RUVBL1: variants seen among roughly 807,000 people sequenced by gnomAD.
RUVBL1 encodes the protein RuvB like AAA ATPase 1, also known as ruvB-like 1.
Under a neutral mutation model 52.4 loss-of-function variants are expected in RUVBL1, and 4 were observed. That is an observed-to-expected ratio of 0.08 (90% CI 0.04 to 0.17). The LOEUF (loss-of-function observed/expected upper bound fraction) is 0.17, where lower values mean the gene tolerates loss of function less well. Among genes scored for constraint, RUVBL1 ranks in the 10% least tolerant of loss-of-function variants. RUVBL1 has a pLI of 1.00. For synonymous variants in RUVBL1, 217 were observed against 214.4 expected, an observed-to-expected ratio of 1.01 and a Z score of -0.10; for missense variants, 298 against 572.8, an observed-to-expected ratio of 0.52 and a Z score of 4.90.
rs371955737 is a variant in RUVBL1, at chr3:128,123,541, A to T, written c.141+43T>A. 11 of 1,514,566 alleles carry T rather than the reference A, an allele frequency of 7.3e-6. No individual in the cohort carries two copies. In the African/African-American group the frequency reaches 1.4e-4, roughly 19 times the overall value. The allele number at this position is 1,514,566 out of a possible 1,614,324, so 93.8% of individuals were successfully genotyped here. A position where few individuals can be genotyped will look rare whatever the true frequency, so the allele number is the denominator to read the frequency against. On this transcript the variant is annotated intron_variant, in intron 1 of 10. Coordinates refer to ENST00000322623, the MANE Select transcript of RUVBL1 (RefSeq NM_003707.3). ...ACTTCAGCAGCTCTCTCGCCGCAGCAGCCCTGCTTGCAGCCCCCAACTCCC... is the reference window on the plus strand; with the variant it reads ...ACTTCAGCAGCTCTCTCGCCGCAGCTGCCCTGCTTGCAGCCCCCAACTCCC...
At chr3:128,141,112 A>G (rs1176493103) in intron 1 of RUVBL1, among the ~76,000 whole-genome samples, 1 of 152,246 alleles carries the variant, frequency 6.6e-6, no homozygotes, top group Non-Finnish European at 1.5e-5. Context: ...CATTAAGTAA[A>G]AAAAGCAGGT....
intron 1 of RUVBL1, among the ~76,000 whole-genome samples, chr3:128,146,845 G>C (rs1035132760): frequency 6.7e-6 from 1 of 149,542 alleles, no homozygotes; most frequent in African/African-American, 2.5e-5. Context: ...ACTTGTGTGC[G>C]TTTGTGTCTC....
chr3:128,078,439 C>G (rs1942389212), downstream of RUVBL1, among the ~76,000 whole-genome samples: 1 of 152,172 alleles, frequency 6.6e-6, no homozygotes, highest in Admixed American at 6.5e-5. Context: ...CCTTCCCAGT[C>G]TCACAAGTAT....
intron 5 of RUVBL1, 30 bp downstream of exon 5, chr3:128,101,529 G>A: frequency 1.3e-6 from 2 of 1,598,444 alleles, no homozygotes; most frequent in Non-Finnish European, 1.7e-6. Context: ...ACAAATCAGG[G>A]ACAATGCTGT....
chr3:128,085,296 AT>A (rs1942611398), intron 9 of RUVBL1, among the ~76,000 whole-genome samples: 1 of 152,132 alleles, frequency 6.6e-6, no homozygotes, highest in South Asian at 2.1e-4. Context: ...GATGCACCAA[AT>A]TGCTCAAGTC....
chr3:128,122,918 T>C (rs1943684836), intron 1 of RUVBL1, among the ~76,000 whole-genome samples: 1 of 152,220 alleles, frequency 6.6e-6, no homozygotes. Flanking sequence ...TATGTGAAAG[T>C]ACTTGGCATC....
chr3:128,066,155 C>T (rs182185853), intron 9 of RUVBL1, among the ~76,000 whole-genome samples: 1 of 152,194 alleles, frequency 6.6e-6, no homozygotes, highest in Non-Finnish European at 1.5e-5. Context: ...AAGTTGTATT[C>T]CTAGAAAAGT....
rs143414303 is a variant in RUVBL1 at position 128,067,447 on chromosome 3, T to C, written c.940-2227A>G. 3 of 1,614,062 alleles carry C rather than the reference T, an allele frequency of 1.9e-6. No homozygotes were observed. The East Asian group carries it at 6.7e-5, about 36-fold the overall frequency. ...ACACGTCTTCTGGGGGCCCAGCACG[T>C]GCTTATCCAGTTGGTGGCCTTTGCT... On this transcript the variant is annotated intron_variant, in intron 9 of 9. Transcript: ENST00000464873. The surrounding 1 kb of genome is among the most constrained non-coding windows in gnomAD (Gnocchi z 4.1).
chr3:128,150,975 T>A (rs1476522528), intron 1 of RUVBL1, among the ~76,000 whole-genome samples: 1 of 93,212 alleles, frequency 1.1e-5, no homozygotes, highest in Non-Finnish European at 1.9e-5. Flanking sequence ...ATATTATATA[T>A]TATATATTCT....
At chr3:128,093,534 A>G (rs1942900577) in intron 8 of RUVBL1, among the ~76,000 whole-genome samples, 2 of 152,020 alleles carry the variant, frequency 1.3e-5, no homozygotes, top group Non-Finnish European at 2.9e-5. Context: ...ACAGGGTTAC[A>G]CTGAGCAGAG....
At chr3:128,126,201 T>TTGTGTGTGTGTGTGTG (rs10576695), upstream of RUVBL1, among the ~76,000 whole-genome samples, 9 of 147,518 alleles carry the variant, frequency 6.1e-5, no homozygotes, top group African/African-American at 2.3e-4. Flanking sequence ...AGTTGTTCCT[T>TTGTGTGTGTGTGTGTG]TGTGTGTGTG....
chr3:128,108,627 A>C (rs975429686), intron 3 of RUVBL1, among the ~76,000 whole-genome samples: 2 of 152,112 alleles, frequency 1.3e-5, no homozygotes, highest in Admixed American at 6.5e-5. Context: ...TCAGCCCAGG[A>C]AACAGATTGC....
Position 128,097,287 on chromosome 3 carries a change from G to A in RUVBL1, c.1016+13C>T, listed in dbSNP as rs773162285. ...GTTAAAAAAGCCTTGTGGCTGGCAGGCAGCCATCCTACCTGATGACACAGT... is the reference window on the plus strand; with the variant it reads ...GTTAAAAAAGCCTTGTGGCTGGCAGACAGCCATCCTACCTGATGACACAGT... On this transcript the variant is annotated intron_variant, in intron 8 of 10. Transcript: ENST00000322623. 1 of 1,611,344 alleles carries A rather than the reference G, an allele frequency of 6.2e-7. No homozygotes were observed. The highest frequency in any genetic ancestry group is 1.1e-5 in the South Asian group (1 of 90,870).
At chr3:128,099,368 G>A (rs925107175) in intron 6 of RUVBL1, among the ~76,000 whole-genome samples, 5 of 152,198 alleles carry the variant, frequency 3.3e-5, no homozygotes, top group Admixed American at 6.5e-5. Flanking sequence ...CCTCTAGGGC[G>A]CATCTGACCC....
intron 1 of RUVBL1, among the ~76,000 whole-genome samples, chr3:128,144,748 A>G (rs977727911): frequency 1.3e-5 from 2 of 152,240 alleles, no homozygotes; most frequent in African/African-American, 4.8e-5. Flanking sequence ...GAGGGATGGT[A>G]GGACAGAGAC....
upstream of RUVBL1, chr3:128,123,869 C>G: frequency 1.5e-6 from 2 of 1,338,566 alleles, no homozygotes; most frequent in Non-Finnish European, 1.9e-6. Flanking sequence ...AGCGGGAACA[C>G]CTCCGCTCTC....
exon 10 of RUVBL1, chr3:128,065,171 C>T: frequency 9.7e-7 from 1 of 1,031,284 alleles, no homozygotes; most frequent in South Asian, 1.3e-5. Context: ...TATTTGAAGG[C>T]AGCAGGTTTC....
At chr3:128,141,472 A>C (rs115788759) in intron 1 of RUVBL1, among the ~76,000 whole-genome samples, 1,718 of 151,370 alleles carry the variant, frequency 0.011, 23 homozygotes, top group African/African-American at 0.04. Context: ...TGGAGTATGA[A>C]GACATGGACT....
chr3:128,114,211 G>T (rs1015683285), intron 2 of RUVBL1, among the ~76,000 whole-genome samples: 2 of 152,148 alleles, frequency 1.3e-5, no homozygotes, highest in African/African-American at 4.8e-5. Flanking sequence ...CACGAGTAAG[G>T]CCAGCTCCCC....
Sources: allele counts gnomAD v4.1 joint callset (sites outside exome capture counted in the v4.1 genomes callset), GRCh38; gene constraint gnomAD v4.1.1; non-coding constraint Gnocchi (gnomAD v3.1); transcripts MANE v1.5; gene names NCBI Gene and HGNC (gene_info 2026-07-23, HGNC 2026-07-21).